The following ACKR2 variants were observed in gnomAD, a reference collection of about 807,000 sequenced individuals.
The protein encoded by ACKR2 is atypical chemokine receptor 2.
For missense variants in ACKR2, 457 were observed against 477.3 expected (o/e 0.96, Z 0.40); for synonymous variants, 207 against 192.2 (o/e 1.08, Z -0.64).
intron 2 of ACKR2, among the ~76,000 whole-genome samples, chr3:42,837,391 A>G (rs1399417077): frequency 6.6e-6 from 1 of 151,730 alleles, no homozygotes. Flanking sequence ...TAATTTTTGA[A>G]TATATATATA....
At chr3:42,810,594 T>C (rs540222263) in intron 1 of ACKR2, among the ~76,000 whole-genome samples, 1 of 152,146 alleles carries the variant, frequency 6.6e-6, no homozygotes, top group African/African-American at 2.4e-5. Flanking sequence ...TTTTACATGC[T>C]CACCCTATCT....
chr3:42,857,110 C>G (rs182820258), intron 2 of ACKR2, among the ~76,000 whole-genome samples: 4 of 151,996 alleles, frequency 2.6e-5, no homozygotes, highest in Non-Finnish European at 5.9e-5. Flanking sequence ...AGGCACCTGC[C>G]GTCTTGAATT....
At chr3:42,816,730 C>A (rs1700754393) in intron 1 of ACKR2, among the ~76,000 whole-genome samples, 1 of 151,674 alleles carries the variant, frequency 6.6e-6, no homozygotes, top group African/African-American at 2.4e-5. Flanking sequence ...CTATTTTTTT[C>A]TATTTTTAGT....
intron 2 of ACKR2, among the ~76,000 whole-genome samples, chr3:42,823,752 A>G (rs1402255493): frequency 1.3e-5 from 2 of 152,256 alleles, no homozygotes; most frequent in African/African-American, 4.8e-5. Flanking sequence ...GAATGAATTA[A>G]TAAAATCTAT....
chr3:42,830,104 A>G (rs1319128681), intron 2 of ACKR2, among the ~76,000 whole-genome samples: 1 of 152,068 alleles, frequency 6.6e-6, no homozygotes, highest in East Asian at 1.9e-4. Context: ...TCTCTTCCTG[A>G]ATGTTATGAG....
chr3:42,827,030 A>C lies in ACKR2; in HGVS notation c.-38+7319A>C, dbSNP rs112978281. On this transcript the variant is annotated intron_variant, in intron 2 of 2. Transcript: ENST00000422265. ...TTTCCACATGGTTTTGAATTCCCCA[A>C]ATTTTTCCTTCTGTTATTGATTGAG... is the stretch of plus-strand genomic sequence containing the variant. 1.3e-4 allele frequency among the ~76,000 whole-genome samples: 20 copies of C among 152,214 alleles called. 1 individual carries two copies. Among genetic ancestry groups the C allele is most frequent in the African/African-American group, 4.8e-4 (20 of 41,518 alleles).
intron 2 of ACKR2, among the ~76,000 whole-genome samples, chr3:42,821,887 G>A (rs1347984129): frequency 1.3e-5 from 2 of 151,808 alleles, no homozygotes; most frequent in Non-Finnish European, 2.9e-5. Context: ...TAGTAGAGAC[G>A]GGGTTTCACT....
chr3:42,821,765 C>T (rs1421743685), intron 2 of ACKR2, among the ~76,000 whole-genome samples: 4 of 151,784 alleles, frequency 2.6e-5, no homozygotes, highest in Non-Finnish European at 4.4e-5. Context: ...GGCGCTATCT[C>T]GGCTCACTGC....
intron 2 of ACKR2, chr3:42,835,293 T>C (rs1700976757): frequency 6.6e-6 from 1 of 151,866 alleles, no homozygotes; most frequent in African/African-American, 2.4e-5. Flanking sequence ...TTTAAAACAT[T>C]CAGAGCTTAT....
intron 2 of ACKR2, among the ~76,000 whole-genome samples, chr3:42,860,966 A>G (rs1038497128): frequency 1.3e-5 from 2 of 152,220 alleles, no homozygotes; most frequent in Non-Finnish European, 2.9e-5. Context: ...GAGAAGCAAA[A>G]GCAAACAAAT....
chr3:42,811,489 G>A (rs897922175), intron 1 of ACKR2, among the ~76,000 whole-genome samples: 7 of 152,312 alleles, frequency 4.6e-5, no homozygotes, highest in South Asian at 2.1e-4. Flanking sequence ...GCGGAAAGCC[G>A]CAGGGACCTC....
At chr3:42,838,692 A>G (rs1157932427) in intron 2 of ACKR2, among the ~76,000 whole-genome samples, 3 of 152,226 alleles carry the variant, frequency 2.0e-5, no homozygotes. Context: ...TAGTCACTCT[A>G]TTCCTAAGTA....
intron 2 of ACKR2, chr3:42,851,246 C>A: frequency 2.3e-6 from 1 of 440,642 alleles, no homozygotes. Context: ...CATGGCTATG[C>A]AGCTGAGATG....
chr3:42,860,776 G>T (rs1377646516), intron 2 of ACKR2, among the ~76,000 whole-genome samples: 1 of 152,160 alleles, frequency 6.6e-6, no homozygotes, highest in Admixed American at 6.5e-5. Context: ...GGTAAATAAT[G>T]AAGTGAAGGC....
Position 42,864,757 on chromosome 3 carries a change from G to A in ACKR2, c.255G>A (p.Leu85=). 6.2e-7 allele frequency: 1 copy of A among 1,614,184 alleles called. No homozygotes were observed. The highest frequency in any genetic ancestry group is 8.5e-7 in the Non-Finnish European group (1 of 1,180,042). ...VPRRRMVEIY[L]LNLAISNLLF... ...GCAGGCGGATGGTTGAGATCTATCT[G>A]CTGAATCTGGCCATCTCCAACCTTC... The change falls in exon 3 of 3, where the codon CTG becomes CTA. Residue 85 remains leucine, a synonymous_variant. Transcript: ENST00000422265.
chr3:42,819,796 C>G (rs1234017301), intron 2 of ACKR2, 85 bp downstream of exon 2: 1 of 152,276 alleles, frequency 6.6e-6, no homozygotes, highest in Admixed American at 6.5e-5. Flanking sequence ...GCCCTTCTGG[C>G]TTTTTAGCCC....
rs1314777267 is a variant in ACKR2, at chr3:42,865,352, T to A, written c.850T>A (p.Cys284Ser). Reference sequence around the variant, plus strand: ...GTTGGACCTGCAAGTATTCGGGAACTGTGAGGTCAGCCAGCATCTAGACTA... The same window carrying A: ...GTTGGACCTGCAAGTATTCGGGAACAGTGAGGTCAGCCAGCATCTAGACTA... ...TLLDLQVFGN[C>S]EVSQHLDYAL... The change falls in exon 3 of 3, where the codon TGT (cysteine) becomes AGT (serine). Residue 284 changes from cysteine to serine, a missense_variant. Physicochemically the swap from Cys to Ser is moderately radical, Grantham distance 112. Coordinates refer to ENST00000422265, the MANE Select transcript of ACKR2 (RefSeq NM_001296.5). The A allele has an allele frequency of 1.2e-6, 2 of 1,614,214 alleles. No individual in the cohort carries two copies. The highest frequency in any genetic ancestry group is 1.7e-5 in the Admixed American group (1 of 60,018).
At chr3:42,829,053 G>C (rs1178977080) in intron 2 of ACKR2, among the ~76,000 whole-genome samples, 1 of 152,162 alleles carries the variant, frequency 6.6e-6, no homozygotes, top group Non-Finnish European at 1.5e-5. Context: ...AAAAGGAACA[G>C]AGCAGGTGTC....
intron 2 of ACKR2, among the ~76,000 whole-genome samples, chr3:42,826,297 C>T (rs1242573451): frequency 6.6e-6 from 1 of 151,854 alleles, no homozygotes; most frequent in Non-Finnish European, 1.5e-5. Flanking sequence ...TGTTTCTTCC[C>T]CTTCTGTTTT....
Sources: allele counts gnomAD v4.1 joint callset (sites outside exome capture counted in the v4.1 genomes callset), GRCh38; gene constraint gnomAD v4.1.1; transcripts MANE v1.5; gene names NCBI Gene and HGNC (gene_info 2026-07-23, HGNC 2026-07-21).